Variants in HTR1F observed in about 807,000 individuals in gnomAD.
HTR1F encodes the protein 5-hydroxytryptamine (serotonin) receptor 1F, G protein-coupled.
Under a neutral mutation model 24.0 loss-of-function variants are expected in HTR1F, and 17 were observed. That is an observed-to-expected ratio of 0.71 (90% CI 0.48 to 1.06). The LOEUF (loss-of-function observed/expected upper bound fraction) is 1.06. HTR1F is among the 50% of genes least tolerant of loss of function. HTR1F has a pLI of 0.00. For missense variants in HTR1F, 391 were observed against 427.8 expected, an observed-to-expected ratio of 0.91 and a Z score of 0.76; for synonymous variants, 186 against 156.8, an observed-to-expected ratio of 1.19 and a Z score of -1.39.
At chr3:87,793,349 G>C (rs1239128249) in intron 1 of HTR1F, 1 of 152,226 alleles carries the variant, frequency 6.6e-6, no homozygotes, top group Non-Finnish European at 1.5e-5. Context: ...TAAATCTGAG[G>C]AGCTGGAAGA....
At chr3:87,818,923 A>G (rs1453532578) in intron 1 of HTR1F, among the ~76,000 whole-genome samples, 1 of 152,202 alleles carries the variant, frequency 6.6e-6, no homozygotes, top group African/African-American at 2.4e-5. Context: ...CTCAACAACT[A>G]GCACCTTATT....
intron 2 of HTR1F, among the ~76,000 whole-genome samples, chr3:87,865,551 A>G (rs1040599522): frequency 2.7e-4 from 41 of 152,220 alleles, no homozygotes; most frequent in African/African-American, 9.6e-4. Flanking sequence ...TTCTAGAACT[A>G]TATATAAATA....
At chr3:87,864,077 C>A (rs1468645674) in intron 2 of HTR1F, among the ~76,000 whole-genome samples, 2 of 152,180 alleles carry the variant, frequency 1.3e-5, no homozygotes, top group Non-Finnish European at 2.9e-5. Flanking sequence ...CTGCCTCCAT[C>A]CTCCACATTT....
At chr3:87,842,845 G>C (rs1249791965) in intron 2 of HTR1F, among the ~76,000 whole-genome samples, 1 of 151,910 alleles carries the variant, frequency 6.6e-6, no homozygotes, top group Non-Finnish European at 1.5e-5. Flanking sequence ...TCCTCGATCA[G>C]AGATCAGAAT....
intron 1 of HTR1F, among the ~76,000 whole-genome samples, chr3:87,801,177 A>C (rs1196430342): frequency 6.6e-6 from 1 of 152,252 alleles, no homozygotes; most frequent in African/African-American, 2.4e-5. Context: ...GTTATTAATA[A>C]GCACTCATCT....
chr3:87,799,926 A>T (rs1308531096), intron 1 of HTR1F, among the ~76,000 whole-genome samples: 2 of 152,200 alleles, frequency 1.3e-5, no homozygotes, highest in African/African-American at 4.8e-5. Flanking sequence ...TCCATATTCT[A>T]TCAGAGAGAC....
Position 87,828,154 on chromosome 3 carries a change from C to T in HTR1F, c.-43+6030C>T, listed in dbSNP as rs1017852264. ...TAAGATCGTTTTATAAATTCTGTTCCATTTCTCAAGAAGTGTGGTAATTTA... is the reference window on the plus strand; with the variant it reads ...TAAGATCGTTTTATAAATTCTGTTCTATTTCTCAAGAAGTGTGGTAATTTA... On this transcript the variant is annotated intron_variant, in intron 2 of 2. Transcript: ENST00000319595. Among the ~76,000 whole-genome samples the T allele has an allele frequency of 2.0e-5, 3 of 152,160 alleles. 1 individual carries two copies.
intron 2 of HTR1F, among the ~76,000 whole-genome samples, chr3:87,954,633 C>A (rs1704905227): frequency 6.6e-6 from 1 of 151,606 alleles, no homozygotes; most frequent in Admixed American, 6.6e-5. Context: ...TCAAAAACTA[C>A]ATTTGTTGTT....
intron 2 of HTR1F, among the ~76,000 whole-genome samples, chr3:87,825,283 C>T (rs1704440031): frequency 6.6e-6 from 1 of 152,144 alleles, no homozygotes. Flanking sequence ...CTGTCCTGAC[C>T]TTACCGATAA....
At chr3:87,973,987 A>T (rs1705340494) in intron 2 of HTR1F, among the ~76,000 whole-genome samples, 1 of 152,188 alleles carries the variant, frequency 6.6e-6, no homozygotes, top group Admixed American at 6.5e-5. Flanking sequence ...TCGGAATTAC[A>T]CATGACCAGC....
At chr3:87,963,937 T>C (rs1705113672) in intron 2 of HTR1F, among the ~76,000 whole-genome samples, 1 of 152,118 alleles carries the variant, frequency 6.6e-6, no homozygotes, top group South Asian at 2.1e-4. Flanking sequence ...TCATTAATAA[T>C]TCAGAAATTA....
At chr3:87,889,156 A>C (rs1397916749) in intron 2 of HTR1F, among the ~76,000 whole-genome samples, 7 of 151,986 alleles carry the variant, frequency 4.6e-5, no homozygotes, top group African/African-American at 2.4e-5. Flanking sequence ...GCTCCCTTTC[A>C]CCTTCTACCA....
intron 2 of HTR1F, among the ~76,000 whole-genome samples, chr3:87,832,417 T>C (rs1197202572): frequency 1.4e-5 from 2 of 147,132 alleles, no homozygotes; most frequent in African/African-American, 2.5e-5. Context: ...AACCTCTTCC[T>C]CCCGGGTTGA....
intron 2 of HTR1F, among the ~76,000 whole-genome samples, chr3:87,909,680 T>A (rs76011262): frequency 6.6e-6 from 1 of 152,168 alleles, no homozygotes; most frequent in African/African-American, 2.4e-5. Context: ...TTTTCATTTA[T>A]GTAAAGAAGC....
At position 87,869,481 on chromosome 3, in the gene HTR1F, TGATA is replaced by T. The variant is rs1337305593; in HGVS notation, c.-43+47366_-43+47369del. On this transcript the variant is annotated intron_variant, in intron 2 of 2. Coordinates refer to ENST00000319595, the MANE Select transcript of HTR1F (RefSeq NM_001322209.2). ...ATAGATAGATAGATAGATAGATAGA[TGATA>T]GATAGATATTCTAAAGAACTGTTTT... Among the ~76,000 whole-genome samples, 9 of 116,424 alleles carry T rather than the reference TGATA, an allele frequency of 7.7e-5. No individual in the cohort carries two copies. In the East Asian group the frequency reaches 9.0e-4, roughly 12 times the overall value. 76.4% of individuals were successfully genotyped at this position (116,424 alleles called of 152,430 possible).
chr3:87,904,551 A>C (rs1316357436), intron 2 of HTR1F, among the ~76,000 whole-genome samples: 2 of 152,104 alleles, frequency 1.3e-5, no homozygotes, highest in Non-Finnish European at 2.9e-5. Context: ...GCAAGAAGAA[A>C]CACTATTATT....
At chr3:87,979,013 AG>A (rs1705465942) in intron 2 of HTR1F, among the ~76,000 whole-genome samples, 2 of 10,366 alleles carry the variant, frequency 1.9e-4, no homozygotes, top group East Asian at 4.2e-3. Context: ...GAAGGAAGGG[AG>A]GGAAGGAGGG....
chr3:87,938,406 A>G (rs1243915559), intron 2 of HTR1F, among the ~76,000 whole-genome samples: 1 of 152,234 alleles, frequency 6.6e-6, no homozygotes, highest in African/African-American at 2.4e-5. Flanking sequence ...TCAATCTACC[A>G]ATGACATTCT....
At chr3:87,853,007 T>C (rs1321126785) in intron 2 of HTR1F, among the ~76,000 whole-genome samples, 1 of 151,282 alleles carries the variant, frequency 6.6e-6, no homozygotes, top group African/African-American at 2.4e-5. Flanking sequence ...TTTTATTTCA[T>C]TAGGCTTTTT....
Sources: gnomAD v4.1 joint callset for allele counts (sites outside exome capture counted in the v4.1 genomes callset) on GRCh38, gnomAD v4.1.1 for gene constraint, MANE v1.5 for transcripts, NCBI Gene and HGNC (gene_info 2026-07-23, HGNC 2026-07-21) for gene names.